Variants in EFR3B observed in about 807,000 individuals in gnomAD.
EFR3B encodes EFR3 homolog B.
EFR3B carries 64 observed loss-of-function variants against 104.7 expected under a neutral mutation model. The ratio of observed to expected loss-of-function variants is 0.61; its 90% CI spans 0.50 to 0.75. The LOEUF (loss-of-function observed/expected upper bound fraction) is 0.75, where lower values mean the gene tolerates loss of function less well. EFR3B is among the 30% of genes least tolerant of loss of function. EFR3B has a pLI of 0.00. For missense variants in EFR3B, 750 were observed against 1,078.5 expected (o/e 0.70, Z 4.27); for synonymous variants, 385 against 417.9 (o/e 0.92, Z 0.96).
intron 3 of EFR3B, among the ~76,000 whole-genome samples, chr2:25,101,137 C>G (rs149418267): frequency 6.6e-6 from 1 of 152,182 alleles, no homozygotes; most frequent in Non-Finnish European, 1.5e-5. Flanking sequence ...TGCTTTTCCT[C>G]TCTTTCACAT....
chr2:25,148,175 A>G (rs899893215), intron 19 of EFR3B, among the ~76,000 whole-genome samples: 4 of 150,514 alleles, frequency 2.7e-5, no homozygotes, highest in Admixed American at 6.6e-5. Context: ...ATTATTTTCT[A>G]CTTCCTTTTA....
chr2:25,076,042 G>A (rs923929169), intron 1 of EFR3B, among the ~76,000 whole-genome samples: 20 of 152,076 alleles, frequency 1.3e-4, no homozygotes, highest in Non-Finnish European at 1.9e-4. Flanking sequence ...ACAGGCATGC[G>A]CCACCATGCC....
chr2:25,152,372 G>C (rs1288732344), intron 21 of EFR3B, among the ~76,000 whole-genome samples: 2 of 152,218 alleles, frequency 1.3e-5, no homozygotes. Flanking sequence ...GCAGGCACGT[G>C]AACAGCACTC....
rs1670345561 is a variant in EFR3B, at chr2:25,131,834, G to T, written c.1070G>T (p.Gly357Val). The change falls in exon 10 of 23, where the codon GGG becomes GTG. Residue 357 changes from glycine (G) to valine (V), a missense_variant. Gly to Val is a moderately radical substitution (Grantham distance 109, BLOSUM62 -3). Coordinates refer to ENST00000403714, the MANE Select transcript of EFR3B (RefSeq NM_014971.2). The surrounding 1 kb of genome is among the most constrained non-coding windows in gnomAD (Gnocchi z 7.6). ...TACGCGCTGACCGGGAGCTACGACG[G>T]GGCGGTCAGCCTCGGCACCAAGATC... is the stretch of plus-strand genomic sequence containing the variant. ...IDYALTGSYD[G>V]AVSLGTKIIK... is the part of the protein sequence containing the mutation. The T allele has an allele frequency of 1.3e-6, 2 of 1,550,020 alleles. No homozygotes were observed. Among genetic ancestry groups the T allele is most frequent in the Non-Finnish European group, 1.7e-6 (2 of 1,146,508 alleles).
chr2:25,080,987 AG>A, intron 1 of EFR3B: 3 of 756,796 alleles, frequency 4.0e-6, no homozygotes, highest in South Asian at 2.8e-5. Context: ...CAATATCAAC[AG>A]GTTCTTTAAT....
chr2:25,042,810 C>T lies in EFR3B; in HGVS notation c.7+491C>T, dbSNP rs1174025784. On this transcript the variant is annotated intron_variant, in intron 1 of 22. Transcript: ENST00000403714. The surrounding 1 kb of genome is among the most constrained non-coding windows in gnomAD (Gnocchi z 5.4). ...GGAGCAGCCAGTGGCCGAGTCTCGT[C>T]TCGCCCGCCTGAATGGACTCGGCCT... 1.8e-6 allele frequency: 1 copy of T among 542,404 alleles called. No individual in the cohort carries two copies. The highest frequency in any genetic ancestry group is 2.4e-6 in the Non-Finnish European group (1 of 424,770). 33.6% of individuals were successfully genotyped at this position (542,404 alleles called of 1,614,324 possible).
chr2:25,139,624 G>A (rs1670608867), intron 16 of EFR3B, among the ~76,000 whole-genome samples: 1 of 152,142 alleles, frequency 6.6e-6, no homozygotes, highest in Non-Finnish European at 1.5e-5. Flanking sequence ...TACCGCAAAG[G>A]TGGCCCGAGT....
chr2:25,129,295 C>A (rs1670258767), intron 6 of EFR3B, among the ~76,000 whole-genome samples: 1 of 139,902 alleles, frequency 7.1e-6, no homozygotes. Context: ...TGATCCCAGG[C>A]TACTAGAGCT....
intron 20 of EFR3B, among the ~76,000 whole-genome samples, chr2:25,150,612 T>C (rs1470563184): frequency 3.1e-5 from 2 of 65,336 alleles, no homozygotes; most frequent in African/African-American, 6.3e-5. Context: ...TTTCTTGCCC[T>C]TTTTTTTTTT....
intron 3 of EFR3B, among the ~76,000 whole-genome samples, chr2:25,096,712 C>A (rs187111856): frequency 2.1e-4 from 32 of 152,306 alleles, no homozygotes; most frequent in African/African-American, 7.5e-4. Flanking sequence ...CCTCCCCCTG[C>A]AGCTGCCCAT....
intron 2 of EFR3B, among the ~76,000 whole-genome samples, chr2:25,091,914 G>T (rs1166152396): frequency 6.6e-6 from 1 of 152,078 alleles, no homozygotes; most frequent in Non-Finnish European, 1.5e-5. Context: ...TGGGTCGTGG[G>T]CTGGGAAACA....
Position 25,121,792 on chromosome 2 carries a change from C to T in EFR3B, c.483C>T (p.Thr161=). 1.3e-6 allele frequency: 2 copies of T among 1,551,772 alleles called. No individual in the cohort carries two copies. Among genetic ancestry groups the T allele is most frequent in the Non-Finnish European group, 1.7e-6 (2 of 1,147,008 alleles). Reference sequence around the variant, plus strand: ...GCCATGATGACTTAGAAATCAAGACCAAGTGAGTAGGGGAAGGCAAGGGTA... The same window carrying T: ...GCCATGATGACTTAGAAATCAAGACTAAGTGAGTAGGGGAAGGCAAGGGTA... ...HSSHDDLEIK[T]KIRMSGIKGL... The change falls in exon 5 of 23, where the codon ACC becomes ACT. Residue 161 remains threonine (T), a splice_region_variant and synonymous_variant. Transcript: ENST00000403714.
intron 4 of EFR3B, among the ~76,000 whole-genome samples, chr2:25,109,584 C>T (rs534932128): frequency 6.6e-6 from 1 of 152,298 alleles, no homozygotes; most frequent in East Asian, 1.9e-4. Flanking sequence ...TTCATAGCAA[C>T]ACTATTCACA....
At chr2:25,077,489 C>T (rs1023094161) in intron 1 of EFR3B, among the ~76,000 whole-genome samples, 1 of 152,174 alleles carries the variant, frequency 6.6e-6, no homozygotes. Context: ...TGGGGTTTCA[C>T]CATGTTGGCC....
chr2:25,112,510 G>A (rs977260045), intron 4 of EFR3B, among the ~76,000 whole-genome samples: 1 of 152,250 alleles, frequency 6.6e-6, no homozygotes, highest in Non-Finnish European at 1.5e-5. Flanking sequence ...GTAGTCAGGA[G>A]GTTGGCAGGA....
intron 4 of EFR3B, among the ~76,000 whole-genome samples, chr2:25,118,641 A>G (rs1308182214): frequency 2.7e-5 from 4 of 149,382 alleles, no homozygotes; most frequent in African/African-American, 9.8e-5. Flanking sequence ...TGTCAAAAAC[A>G]GCAAGTTGGA....
At chr2:25,059,496 G>T (rs780213252) in intron 1 of EFR3B, among the ~76,000 whole-genome samples, 4 of 145,232 alleles carry the variant, frequency 2.8e-5, no homozygotes, top group African/African-American at 5.1e-5. Context: ...AGTAGTATAT[G>T]ATTCCAGTAG....
intron 1 of EFR3B, among the ~76,000 whole-genome samples, chr2:25,045,539 T>C (rs1319000715): frequency 6.6e-6 from 1 of 152,098 alleles, no homozygotes; most frequent in African/African-American, 2.4e-5. Flanking sequence ...CCCAGCACTT[T>C]AGGAGGCTGA....
intron 17 of EFR3B, among the ~76,000 whole-genome samples, chr2:25,142,234 G>A (rs1172448597): frequency 6.6e-6 from 1 of 152,148 alleles, no homozygotes; most frequent in African/African-American, 2.4e-5. Flanking sequence ...CTTGAGGTCA[G>A]AAGTTCGAGA....
Sources: allele counts gnomAD v4.1 joint callset (sites outside exome capture counted in the v4.1 genomes callset), GRCh38; gene constraint gnomAD v4.1.1; non-coding constraint Gnocchi (gnomAD v3.1); transcripts MANE v1.5; gene names NCBI Gene and HGNC (gene_info 2026-07-23, HGNC 2026-07-21).